SV2C: variants seen among roughly 807,000 people sequenced by gnomAD.
SV2C encodes synaptic vesicle glycoprotein 2C.
SV2C carries 49 observed loss-of-function variants against 79.7 expected under a neutral mutation model. That is an observed-to-expected ratio of 0.61 (90% CI 0.49 to 0.78). The LOEUF (loss-of-function observed/expected upper bound fraction) is 0.78, where lower values mean the gene tolerates loss of function less well. Among genes scored for constraint, SV2C ranks in the 30% least tolerant of loss-of-function variants. SV2C has a pLI of 0.00. For missense variants in SV2C, 833 were observed against 912.9 expected (o/e 0.91, Z 1.13); for synonymous variants, 334 against 333.2 (o/e 1.00, Z -0.03).
Position 76,298,907 on chromosome 5 carries a change from A to G in SV2C, c.1616A>G (p.Asp539Gly). The change falls in exon 10 of 13, where the codon GAC becomes GGC. Residue 539 changes from aspartate (D) to glycine (G), a missense_variant. Coordinates refer to ENST00000502798, the MANE Select transcript of SV2C (RefSeq NM_014979.4). ...NTYFKNCTFI[D>G]TVFDNTDFEP... ...TACTTCAAGAACTGCACATTTATTGACACTGTTTTTGACAACACAGGTAGG... is the reference window on the plus strand; with the variant it reads ...TACTTCAAGAACTGCACATTTATTGGCACTGTTTTTGACAACACAGGTAGG... The G allele has an allele frequency of 6.2e-7, 1 of 1,613,864 alleles. No individual in the cohort carries two copies. Among genetic ancestry groups the G allele is most frequent in the Non-Finnish European group, 8.5e-7 (1 of 1,179,848 alleles).
chr5:76,093,436 C>T (rs1248240982), intron 1 of SV2C, among the ~76,000 whole-genome samples: 1 of 152,128 alleles, frequency 6.6e-6, no homozygotes, highest in East Asian at 1.9e-4. Context: ...AGAAAAGAGC[C>T]CCTAATTAAT....
At chr5:76,157,367 A>G (rs1328861101) in intron 2 of SV2C, among the ~76,000 whole-genome samples, 1 of 152,108 alleles carries the variant, frequency 6.6e-6, no homozygotes, top group Non-Finnish European at 1.5e-5. Flanking sequence ...GAACAAAAAC[A>G]GAAATAATTT....
the SV2C span, chr5:75,921,084 CA>C: frequency 2.6e-6 from 2 of 776,772 alleles, no homozygotes; most frequent in Non-Finnish European, 4.4e-6. Flanking sequence ...GGGATGGGGC[CA>C]AACTCCTGGG....
chr5:76,033,612 T>C, the SV2C span, among the ~76,000 whole-genome samples: 3 of 152,346 alleles, frequency 2.0e-5, no homozygotes, highest in Non-Finnish European at 2.9e-5. Context: ...TCTATATCTC[T>C]GTTTTGGTAC....
chr5:75,871,478 A>G, the SV2C span, among the ~76,000 whole-genome samples: 1 of 152,172 alleles, frequency 6.6e-6, no homozygotes, highest in African/African-American at 2.4e-5. Flanking sequence ...AAAGTAAGGA[A>G]AAACTATTTA....
chr5:76,167,822 G>A (rs1317761496), intron 2 of SV2C, among the ~76,000 whole-genome samples: 1 of 152,142 alleles, frequency 6.6e-6, no homozygotes, highest in Non-Finnish European at 1.5e-5. Context: ...GAGTTATACT[G>A]AAGCTTTTTG....
At chr5:75,881,515 C>T in the SV2C span, among the ~76,000 whole-genome samples, 1 of 152,046 alleles carries the variant, frequency 6.6e-6, no homozygotes, top group Non-Finnish European at 1.5e-5. Context: ...TCCTTCACAT[C>T]CCTTGTAAGT....
the SV2C span, among the ~76,000 whole-genome samples, chr5:75,998,461 G>T: frequency 2.0e-5 from 3 of 152,108 alleles, no homozygotes; most frequent in Admixed American, 6.5e-5. Flanking sequence ...GCAGTGGAAG[G>T]TACCCATCCT....
intron 1 of SV2C, among the ~76,000 whole-genome samples, chr5:76,122,377 A>G (rs1255493728): frequency 2.0e-5 from 3 of 151,120 alleles, no homozygotes; most frequent in East Asian, 1.9e-4. Context: ...TCTCCTGCCT[A>G]ATTGCCCTGG....
the SV2C span, among the ~76,000 whole-genome samples, chr5:75,943,308 T>A: frequency 3.3e-5 from 5 of 152,334 alleles, no homozygotes; most frequent in Admixed American, 3.3e-4. Context: ...CTGATGGTTA[T>A]TAGTCTTATG....
At chr5:76,058,255 C>A in the SV2C span, among the ~76,000 whole-genome samples, 1 of 152,062 alleles carries the variant, frequency 6.6e-6, no homozygotes, top group Admixed American at 6.6e-5. Flanking sequence ...ATAACTCAGG[C>A]AGAGTCTGGG....
the SV2C span, among the ~76,000 whole-genome samples, chr5:75,933,648 C>T: frequency 6.6e-6 from 1 of 152,220 alleles, no homozygotes; most frequent in Non-Finnish European, 1.5e-5. Context: ...GAAGTTTTGA[C>T]ACAGGCAAGT....
At chr5:76,343,058 A>C (rs568874685) in intron 12 of SV2C, among the ~76,000 whole-genome samples, 1 of 152,222 alleles carries the variant, frequency 6.6e-6, no homozygotes, top group Admixed American at 6.5e-5. Context: ...GATGCACAGA[A>C]GTTCCTAATT....
chr5:76,309,599 CAAAAAA>C lies in SV2C; in HGVS notation c.2000+8075_2000+8080del, dbSNP rs769865757. On this transcript the variant is annotated intron_variant, in intron 12 of 12. Coordinates refer to ENST00000502798, the MANE Select transcript of SV2C (RefSeq NM_014979.4). ...TGGGCGACAGAGCGAAACTCCATCT[CAAAAAA>C]AAAAAAAAAAAAAAAAAAAACAGAA... is the stretch of plus-strand genomic sequence containing the variant. 3.7e-4 allele frequency among the ~76,000 whole-genome samples: 7 copies of C among 18,716 alleles called. No homozygotes were observed. The East Asian group carries it at 5.4e-3, about 14-fold the overall frequency. The allele number at this position is 18,716 out of a possible 152,430, so 12.3% of individuals were successfully genotyped here. A position where few individuals can be genotyped will look rare whatever the true frequency, so the allele number is the denominator to read the frequency against.
the SV2C span, among the ~76,000 whole-genome samples, chr5:75,878,216 T>A: frequency 2.0e-5 from 3 of 152,144 alleles, no homozygotes; most frequent in Non-Finnish European, 4.4e-5. Flanking sequence ...AATACCAATA[T>A]CTAAGTTTCG....
the SV2C span, among the ~76,000 whole-genome samples, chr5:76,009,259 C>A: frequency 6.6e-6 from 1 of 152,152 alleles, no homozygotes; most frequent in Non-Finnish European, 1.5e-5. Context: ...AGTCTAAAAA[C>A]AACAGATGTT....
chr5:76,028,318 A>G, the SV2C span, among the ~76,000 whole-genome samples: 1 of 152,168 alleles, frequency 6.6e-6, no homozygotes, highest in African/African-American at 2.4e-5. Flanking sequence ...GGGTAACCCA[A>G]TCCCTGTTTT....
chr5:75,966,144 CT>C, the SV2C span, among the ~76,000 whole-genome samples: 1 of 152,164 alleles, frequency 6.6e-6, no homozygotes, highest in Non-Finnish European at 1.5e-5. Context: ...AAAAAGGAAA[CT>C]TTTCTAGTCT....
chr5:76,216,595 G>A (rs931272570), intron 4 of SV2C, among the ~76,000 whole-genome samples: 6 of 152,140 alleles, frequency 3.9e-5, no homozygotes, highest in African/African-American at 1.2e-4. Context: ...CCAGGAGTTC[G>A]AGAAAATTTG....
Sources: allele counts gnomAD v4.1 joint callset (sites outside exome capture counted in the v4.1 genomes callset), GRCh38; gene constraint gnomAD v4.1.1; transcripts MANE v1.5; gene names NCBI Gene and HGNC (gene_info 2026-07-23, HGNC 2026-07-21).